The following C12orf42 variants were observed in gnomAD, a reference collection of about 807,000 sequenced individuals.
C12orf42 encodes chromosome 12 open reading frame 42.
Under a neutral mutation model 21.6 loss-of-function variants are expected in C12orf42, and 25 were observed. The ratio of observed to expected loss-of-function variants is 1.16; its 90% CI spans 0.84 to 1.62. The LOEUF (loss-of-function observed/expected upper bound fraction) is 1.62. Among genes scored for constraint, C12orf42 ranks in the 40% most tolerant of loss-of-function variants. C12orf42 has a pLI of 0.00. For missense variants in C12orf42, 483 were observed against 459.3 expected, an observed-to-expected ratio of 1.05 and a Z score of -0.47; for synonymous variants, 174 against 175.0, an observed-to-expected ratio of 0.99 and a Z score of 0.05.
intron 4 of C12orf42, among the ~76,000 whole-genome samples, chr12:103,357,291 TATA>T (rs200195460): frequency 0.03 from 4,597 of 151,504 alleles, 208 homozygotes; most frequent in African/African-American, 0.1. Flanking sequence ...AAACTTAAAG[TATA>T]ATAATAATAA....
chr12:103,351,219 C>G (rs1186519581), intron 4 of C12orf42, among the ~76,000 whole-genome samples: 5 of 152,104 alleles, frequency 3.3e-5, no homozygotes, highest in Non-Finnish European at 1.5e-5. Context: ...CAGACCACAG[C>G]CTACACTTGT....
At chr12:103,511,107 A>G in the C12orf42 span, among the ~76,000 whole-genome samples, 33 of 152,330 alleles carry the variant, frequency 2.2e-4, 1 homozygote, top group South Asian at 6.8e-3. Context: ...AAAATGGAGG[A>G]GAAGATGGGA....
At chr12:103,379,296 T>C (rs1043939578) in intron 3 of C12orf42, among the ~76,000 whole-genome samples, 1 of 152,228 alleles carries the variant, frequency 6.6e-6, no homozygotes, top group African/African-American at 2.4e-5. Context: ...ATGTCCCATC[T>C]CATTATCTGC....
intron 2 of C12orf42, among the ~76,000 whole-genome samples, chr12:103,463,622 T>A (rs1952891041): frequency 1.3e-5 from 2 of 152,154 alleles, no homozygotes. Flanking sequence ...CCAGGATACA[T>A]GTGCAGGACA....
chr12:103,283,556 A>C (rs945418137), intron 4 of C12orf42, among the ~76,000 whole-genome samples: 1 of 152,148 alleles, frequency 6.6e-6, no homozygotes, highest in Non-Finnish European at 1.5e-5. Flanking sequence ...TGTTCCAGAC[A>C]CACTAGCCTC....
chr12:103,522,581 C>T, the C12orf42 span, among the ~76,000 whole-genome samples: 3 of 152,170 alleles, frequency 2.0e-5, no homozygotes, highest in Non-Finnish European at 2.9e-5. Context: ...CCATAGGGCA[C>T]TCCTCGACCA....
chr12:103,156,435 G>T, the C12orf42 span, among the ~76,000 whole-genome samples: 1 of 152,082 alleles, frequency 6.6e-6, no homozygotes, highest in Non-Finnish European at 1.5e-5. Flanking sequence ...GGTTCTGATT[G>T]TAAAAATTCA....
chr12:103,481,967 C>T (rs925789950), intron 1 of C12orf42, among the ~76,000 whole-genome samples: 2 of 151,954 alleles, frequency 1.3e-5, no homozygotes, highest in Non-Finnish European at 2.9e-5. Context: ...ATTTAACACT[C>T]TTGTAAATAA....
downstream of C12orf42, among the ~76,000 whole-genome samples, chr12:103,232,710 C>CAAAA (rs36070550): frequency 4.6e-4 from 53 of 115,276 alleles, no homozygotes; most frequent in African/African-American, 1.6e-3. Flanking sequence ...GACTCCGTCT[C>CAAAA]AAAAAAAAAA....
chr12:103,500,495 GT>G (rs1955692170), upstream of C12orf42, among the ~76,000 whole-genome samples: 1 of 152,196 alleles, frequency 6.6e-6, no homozygotes, highest in Non-Finnish European at 1.5e-5. Context: ...CCTGGATTGG[GT>G]AAAACAAAGA....
chr12:103,075,204 T>C, the C12orf42 span, among the ~76,000 whole-genome samples: 1 of 152,210 alleles, frequency 6.6e-6, no homozygotes, highest in Admixed American at 6.5e-5. Context: ...AGAAATGTAC[T>C]GTTTTTAGTT....
At chr12:103,471,882 A>G (rs1459940252) in intron 2 of C12orf42, 1 of 152,168 alleles carries the variant, frequency 6.6e-6, no homozygotes, top group Non-Finnish European at 1.5e-5. Flanking sequence ...TCGATTGTAT[A>G]ACCTGCTGCA....
intron 4 of C12orf42, among the ~76,000 whole-genome samples, chr12:103,296,888 C>T (rs1345453291): frequency 9.2e-5 from 14 of 152,134 alleles, no homozygotes; most frequent in Non-Finnish European, 1.6e-4. Context: ...TCAATTTTGG[C>T]TTTTGTTGCC....
chr12:103,365,922 A>G (rs145654810), intron 4 of C12orf42, among the ~76,000 whole-genome samples: 1 of 152,118 alleles, frequency 6.6e-6, no homozygotes, highest in African/African-American at 2.4e-5. Context: ...TACAAATTCA[A>G]TGCAATTCCC....
At chr12:103,325,003 G>C (rs756582647) in intron 4 of C12orf42, among the ~76,000 whole-genome samples, 1 of 152,230 alleles carries the variant, frequency 6.6e-6, no homozygotes, top group Non-Finnish European at 1.5e-5. Flanking sequence ...TAACAAAAAT[G>C]TGCTTTCTGT....
the C12orf42 span, chr12:103,159,710 CT>C: frequency 6.6e-6 from 1 of 152,286 alleles, no homozygotes; most frequent in African/African-American, 2.4e-5. Context: ...GGTTCACACT[CT>C]CCTTTGCATT....
chr12:103,474,550 A>G (rs189035430), intron 2 of C12orf42, among the ~76,000 whole-genome samples: 2 of 152,160 alleles, frequency 1.3e-5, no homozygotes, highest in East Asian at 3.9e-4. Flanking sequence ...GGAGTCTTTT[A>G]TTAAAAGTAA....
intron 4 of C12orf42, among the ~76,000 whole-genome samples, chr12:103,344,715 C>T (rs1426483379): frequency 6.6e-6 from 1 of 152,140 alleles, no homozygotes; most frequent in Non-Finnish European, 1.5e-5. Context: ...GACAAGGGCA[C>T]ATTTTGGGCT....
intron 4 of C12orf42, among the ~76,000 whole-genome samples, chr12:103,277,702 C>G (rs1012207742): frequency 4.0e-5 from 6 of 151,894 alleles, no homozygotes; most frequent in Non-Finnish European, 7.4e-5. Flanking sequence ...CTCACCCAAG[C>G]TCCACCTCCC....
Sources: allele counts gnomAD v4.1 joint callset (sites outside exome capture counted in the v4.1 genomes callset), GRCh38; gene constraint gnomAD v4.1.1; transcripts MANE v1.5; gene names NCBI Gene and HGNC (gene_info 2026-07-23, HGNC 2026-07-21).